ZNF385B: variants seen among roughly 807,000 people sequenced by gnomAD.
ZNF385B encodes the protein zinc finger protein 533.
In ZNF385B, 23 loss-of-function variants were observed where a neutral mutation model predicts 39.2. The ratio of observed to expected loss-of-function variants is 0.59; its 90% CI spans 0.42 to 0.83. ZNF385B has a LOEUF of 0.83. Among genes scored for constraint, ZNF385B ranks in the 40% least tolerant of loss-of-function variants. ZNF385B has a pLI of 0.00. For synonymous variants in ZNF385B, 205 were observed against 222.6 expected (o/e 0.92, Z 0.70); for missense variants, 552 against 598.9 (o/e 0.92, Z 0.82).
intron 6 of ZNF385B, among the ~76,000 whole-genome samples, chr2:179,473,475 G>A (rs940540689): frequency 1.3e-5 from 2 of 152,088 alleles, no homozygotes; most frequent in African/African-American, 4.8e-5. Context: ...CCATGTATTA[G>A]TTCATTAATC....
chr2:179,664,295 C>A (rs528511657), intron 3 of ZNF385B, among the ~76,000 whole-genome samples: 22 of 152,082 alleles, frequency 1.4e-4, no homozygotes, highest in African/African-American at 5.1e-4. Context: ...GTAAATTGTT[C>A]AATTGCATTC....
intron 3 of ZNF385B, among the ~76,000 whole-genome samples, chr2:179,621,090 T>C (rs1275841858): frequency 1.3e-5 from 2 of 151,950 alleles, no homozygotes; most frequent in East Asian, 1.9e-4. Flanking sequence ...TACTTCATAA[T>C]ATATCAGGGT....
intron 1 of ZNF385B, among the ~76,000 whole-genome samples, chr2:179,810,277 A>C (rs1231801014): frequency 1.3e-5 from 2 of 151,896 alleles, no homozygotes; most frequent in African/African-American, 4.8e-5. Flanking sequence ...GAAAAGAAAA[A>C]CAGACAATTT....
intron 3 of ZNF385B, among the ~76,000 whole-genome samples, chr2:179,693,179 C>T (rs1206200939): frequency 2.6e-5 from 4 of 152,214 alleles, no homozygotes; most frequent in African/African-American, 7.2e-5. Context: ...ATCCCAGGAG[C>T]AATGGCTCCT....
At chr2:179,689,480 T>G (rs1575237820) in intron 3 of ZNF385B, among the ~76,000 whole-genome samples, 1 of 151,990 alleles carries the variant, frequency 6.6e-6, no homozygotes, top group Non-Finnish European at 1.5e-5. Flanking sequence ...GAGCAGCGCA[T>G]GGAGGGACAA....
At chr2:179,545,207 G>C (rs1245855061) in intron 3 of ZNF385B, among the ~76,000 whole-genome samples, 1 of 152,194 alleles carries the variant, frequency 6.6e-6, no homozygotes, top group African/African-American at 2.4e-5. Flanking sequence ...CTCAGATTCA[G>C]CCAGGACACC....
intron 3 of ZNF385B, among the ~76,000 whole-genome samples, chr2:179,565,995 C>T (rs1684526477): frequency 6.6e-6 from 1 of 152,162 alleles, no homozygotes; most frequent in Admixed American, 6.5e-5. Context: ...GGCTTAGAGA[C>T]CAGACTTAAT....
At chr2:179,631,721 T>A (rs1223521839) in intron 3 of ZNF385B, among the ~76,000 whole-genome samples, 2 of 152,086 alleles carry the variant, frequency 1.3e-5, no homozygotes, top group African/African-American at 4.8e-5. Flanking sequence ...AAAAACAGAC[T>A]GGCAAATTGG....
intron 3 of ZNF385B, among the ~76,000 whole-genome samples, chr2:179,619,683 A>G (rs1690048972): frequency 1.3e-5 from 2 of 152,214 alleles, no homozygotes; most frequent in Non-Finnish European, 1.5e-5. Flanking sequence ...AGATTTTCTT[A>G]TGGGGAACGA....
chr2:179,701,764 T>C (rs1699220961), intron 3 of ZNF385B, among the ~76,000 whole-genome samples: 1 of 152,348 alleles, frequency 6.6e-6, no homozygotes, highest in Admixed American at 6.5e-5. Context: ...ACCTTGGACA[T>C]TTCAATTCAG....
chr2:179,468,196 C>T (rs1018701369), intron 6 of ZNF385B, among the ~76,000 whole-genome samples: 1 of 152,206 alleles, frequency 6.6e-6, no homozygotes, highest in African/African-American at 2.4e-5. Context: ...GGCAGCCTAC[C>T]TTCTGTATCA....
intron 5 of ZNF385B, among the ~76,000 whole-genome samples, chr2:179,514,898 C>CA (rs1221264100): frequency 1.3e-5 from 2 of 151,806 alleles, no homozygotes; most frequent in African/African-American, 4.8e-5. Context: ...CCTGCCTCAG[C>CA]CTCCCAAGTA....
At chr2:179,594,080 T>G (rs1172901828) in intron 3 of ZNF385B, among the ~76,000 whole-genome samples, 1 of 152,118 alleles carries the variant, frequency 6.6e-6, no homozygotes, top group East Asian at 1.9e-4. Context: ...GAAAGCAAAA[T>G]CAGTTACTAA....
At chr2:179,831,356 T>C (rs1218947471) in intron 1 of ZNF385B, among the ~76,000 whole-genome samples, 1 of 152,164 alleles carries the variant, frequency 6.6e-6, no homozygotes, top group Non-Finnish European at 1.5e-5. Flanking sequence ...TAGTAAATAG[T>C]TAGCAGGCTG....
intron 1 of ZNF385B, among the ~76,000 whole-genome samples, chr2:179,790,904 A>G (rs1176018948): frequency 6.6e-6 from 1 of 152,188 alleles, no homozygotes; most frequent in East Asian, 1.9e-4. Context: ...GAAAATTATA[A>G]TGTCCCCCTA....
At chr2:179,524,551 C>CAAAAAAAAAAAAAAA (rs770219234) in intron 4 of ZNF385B, among the ~76,000 whole-genome samples, 6 of 60,990 alleles carry the variant, frequency 9.8e-5, no homozygotes, top group African/African-American at 2.3e-4. Context: ...GACTCCGTCT[C>CAAAAAAAAAAAAAAA]AAAAAAAAAA....
At chr2:179,855,654 C>T (rs773147282) in intron 1 of ZNF385B, among the ~76,000 whole-genome samples, 5 of 152,182 alleles carry the variant, frequency 3.3e-5, no homozygotes, top group Non-Finnish European at 7.3e-5. Flanking sequence ...AGACTGATTA[C>T]ATGGTGCTGA....
rs191289515 is a variant in ZNF385B, at chr2:179,651,318, A to T, written c.299-106349T>A. 6.2e-3 allele frequency among the ~76,000 whole-genome samples: 951 copies of T among 152,298 alleles called. 4 individuals carry two copies. Among genetic ancestry groups the T allele is most frequent in the Middle Eastern group, 0.01 (3 of 294 alleles). On this transcript the variant is annotated intron_variant, in intron 3 of 9. Coordinates refer to ENST00000410066, the MANE Select transcript of ZNF385B (RefSeq NM_152520.6). ...GGGATCAATAAACGTAAAGCAGTGCATTCATTCAATGGTTCATCTGAAAAA... is the reference window on the plus strand; with the variant it reads ...GGGATCAATAAACGTAAAGCAGTGCTTTCATTCAATGGTTCATCTGAAAAA...
intron 3 of ZNF385B, among the ~76,000 whole-genome samples, chr2:179,708,101 T>C: frequency 6.6e-6 from 1 of 152,240 alleles, no homozygotes; most frequent in East Asian, 1.9e-4. Flanking sequence ...ATGCCCTTAC[T>C]GGATACTGAA....
Sources: gnomAD v4.1 joint callset for allele counts (sites outside exome capture counted in the v4.1 genomes callset) on GRCh38, gnomAD v4.1.1 for gene constraint, MANE v1.5 for transcripts, NCBI Gene and HGNC (gene_info 2026-07-23, HGNC 2026-07-21) for gene names.